NISCH: variants seen among roughly 807,000 people sequenced by gnomAD.
The protein encoded by NISCH is I-1 receptor candidate protein.
A neutral mutation model predicts 138.4 loss-of-function variants in NISCH; 55 were observed. That is an observed-to-expected ratio of 0.40 (90% CI 0.32 to 0.50). The LOEUF (loss-of-function observed/expected upper bound fraction) is 0.50, where lower values mean the gene tolerates loss of function less well. NISCH is among the 20% of genes least tolerant of loss of function. The probability of loss-of-function intolerance (pLI) is 0.71; values close to 1 mark genes in which losing one functional copy is unlikely to be tolerated. For missense variants in NISCH, 1,643 were observed against 2,005.5 expected, an observed-to-expected ratio of 0.82 and a Z score of 3.45; for synonymous variants, 860 against 861.5, an observed-to-expected ratio of 1.00 and a Z score of 0.03.
At chr3:52,468,392 A>C (rs778321808) in intron 3 of NISCH, among the ~76,000 whole-genome samples, 13 of 152,218 alleles carry the variant, frequency 8.5e-5, no homozygotes, top group Non-Finnish European at 1.5e-4. Context: ...TGAGGTGGGC[A>C]GAGATTGGCA....
chr3:52,489,431 G>A lies in NISCH; in HGVS notation c.3209G>A (p.Gly1070Asp), dbSNP rs748533465. 6 of 1,603,894 alleles carry A rather than the reference G, an allele frequency of 3.7e-6. No individual in the cohort carries two copies. In the Admixed American group the frequency reaches 1.0e-4, roughly 27 times the overall value. Residue 1070 changes from glycine to aspartate, a missense_variant, in exon 17 of 21, where the codon GGC becomes GAC. By Grantham distance (94) the Gly-to-Asp change is moderately conservative (BLOSUM62 -1). Coordinates refer to ENST00000345716, the MANE Select transcript of NISCH (RefSeq NM_007184.4). ...GCCCCTGCAGCAGCCTCAGCCTCAG[G>A]CCCAGCGAAGACTCCGGCCCCAGCA... The part of the protein sequence containing the change: ...APAPAAASAS[G>D]PAKTPAPAEA...
Position 52,479,744 on chromosome 3 carries a change from T to C in NISCH, c.1303-5T>C, listed in dbSNP as rs775966758. 9.1e-5 allele frequency: 147 copies of C among 1,607,980 alleles called. No homozygotes were observed. Among genetic ancestry groups the C allele is most frequent in the Middle Eastern group, 3.3e-4 (2 of 6,060 alleles). On this transcript the variant is annotated splice_polypyrimidine_tract_variant and splice_region_variant and intron_variant, in intron 11 of 20. Transcript: ENST00000345716. ...ATGCTGATAGCCACTTTCTGGATGC[T>C]CTAGGTCTGTCTGGATGACACAGTG... is the stretch of plus-strand genomic sequence containing the variant.
rs144833808 is a variant in NISCH, at chr3:52,492,561, T to G, written c.*79T>G. On this transcript the variant is annotated 3_prime_UTR_variant, in exon 21 of 21. Coordinates refer to ENST00000345716, the MANE Select transcript of NISCH (RefSeq NM_007184.4). ...AGCAGGCTTTTGTGTTCTCTAAAAATGTTTTATCCTCCCTTTGGTACCTTA... is the reference window on the plus strand; with the variant it reads ...AGCAGGCTTTTGTGTTCTCTAAAAAGGTTTTATCCTCCCTTTGGTACCTTA... 3.8e-3 allele frequency: 5,421 copies of G among 1,444,800 alleles called. 24 individuals are homozygous for G. The highest frequency in any genetic ancestry group is 4.6e-3 in the Non-Finnish European group (5,037 of 1,096,164). 89.5% of individuals were successfully genotyped at this position (1,444,800 alleles called of 1,614,324 possible). A position where few individuals can be genotyped will look rare whatever the true frequency, so the allele number is the denominator to read the frequency against.
chr3:52,478,090 G>A lies in NISCH; in HGVS notation c.988-7G>A, dbSNP rs763083869. The A allele has an allele frequency of 2.1e-5, 34 of 1,613,000 alleles. No homozygotes were observed. Among genetic ancestry groups the A allele is most frequent in the Admixed American group, 3.3e-5 (2 of 59,976 alleles). ...GCCACTTTACGCTGTTCTCCACGCC[G>A]CTGCAGCACCTGTATAACCTTGTGC... On this transcript the variant is annotated splice_region_variant and splice_polypyrimidine_tract_variant and intron_variant, in intron 9 of 20. Coordinates refer to ENST00000345716, the MANE Select transcript of NISCH (RefSeq NM_007184.4).
At position 52,490,190 on chromosome 3, in the gene NISCH, T is replaced by C; in HGVS notation, c.3572T>C (p.Leu1191Pro). 1 of 1,613,298 alleles carries C rather than the reference T, an allele frequency of 6.2e-7. No homozygotes were observed. The highest frequency in any genetic ancestry group is 8.5e-7 in the Non-Finnish European group (1 of 1,180,022). ...LLSTKAVYFV[L>P]HDGLRRYFSE... is the part of the protein sequence containing the mutation. ...TCCACCAAGGCTGTGTACTTTGTGC[T>C]CCACGACGGCCTCCGCCGCTACTTC... The change falls in exon 18 of 21, where the codon CTC becomes CCC. Residue 1191 changes from leucine to proline, a missense_variant. Transcript: ENST00000345716.
chr3:52,465,509 C>G (rs1054063929), intron 3 of NISCH, among the ~76,000 whole-genome samples: 1 of 152,164 alleles, frequency 6.6e-6, no homozygotes, highest in Non-Finnish European at 1.5e-5. Context: ...CAGGGGTTGC[C>G]GCCTGTATGA....
At chr3:52,456,057 C>G (rs1706457643) in intron 1 of NISCH, among the ~76,000 whole-genome samples, 1 of 151,924 alleles carries the variant, frequency 6.6e-6, no homozygotes, top group African/African-American at 2.4e-5. Context: ...CCTCTAGATC[C>G]TCTAGGACTG....
chr3:52,490,634 A>G, intron 18 of NISCH, 71 bp from the exon 19 acceptor site: 2 of 1,603,446 alleles, frequency 1.2e-6, no homozygotes, highest in South Asian at 2.2e-5. Flanking sequence ...TTCCTGCTGG[A>G]TGTGCTGCAC....
At chr3:52,458,000 ATTAG>A in intron 2 of NISCH, 74 bp downstream of exon 2, 1 of 1,200,148 alleles carries the variant, frequency 8.3e-7, no homozygotes, top group Non-Finnish European at 1.2e-6. Flanking sequence ...TGTGCCACAT[ATTAG>A]TTTTAGGGCA....
In NISCH at chr3:52,489,651, C is replaced by T. The variant is rs149501368; in HGVS notation, c.3429C>T (p.Ile1143=). ...CCAGCCTGCGGGGCAGCGCCATCAT[C>T]GAGCTCTTCCACAGCAGCATTGCTG... ...HVASLRGSAI[I]ELFHSSIAEV... Residue 1143 remains isoleucine, a synonymous_variant, in exon 17 of 21, where the codon ATC becomes ATT. Transcript: ENST00000345716. 24 of 1,612,580 alleles carry T rather than the reference C, an allele frequency of 1.5e-5. No homozygotes were observed. Among genetic ancestry groups the T allele is most frequent in the Middle Eastern group, 1.6e-4 (1 of 6,082 alleles).
At chr3:52,481,654 G>A in intron 13 of NISCH, 1 of 985,678 alleles carries the variant, frequency 1.0e-6, no homozygotes. Flanking sequence ...GTGAGTGAGT[G>A]AGTGGGCAGG....
chr3:52,481,176 A>G, intron 13 of NISCH: 1 of 1,196,304 alleles, frequency 8.4e-7, no homozygotes, highest in African/African-American at 1.6e-5. Context: ...TGAAATGCTC[A>G]CCACTGCCAA....
chr3:52,462,087 G>A (rs987043829), intron 3 of NISCH, among the ~76,000 whole-genome samples: 8 of 152,140 alleles, frequency 5.3e-5, no homozygotes, highest in Non-Finnish European at 1.0e-4. Flanking sequence ...CCTGGGGCCG[G>A]CTACATCTGG....
rs1405192326 is a variant in NISCH at position 52,455,627 on chromosome 3, G to T, written c.-15G>T. The stretch of plus-strand genomic sequence containing the variant: ...CTAGTCTGCGCCGGGCGGCGGTGGC[G>T]GCGGAGACCCGAACATGGCGACCGC... On this transcript the variant is annotated 5_prime_UTR_variant, in exon 1 of 21. Transcript: ENST00000345716. The T allele has an allele frequency of 7.6e-7, 1 of 1,319,132 alleles. No homozygotes were observed. Among genetic ancestry groups the T allele is most frequent in the East Asian group, 2.9e-5 (1 of 35,018 alleles). The allele number at this position is 1,319,132 out of a possible 1,614,324, so 81.7% of individuals were successfully genotyped here. A position where few individuals can be genotyped will look rare whatever the true frequency, so the allele number is the denominator to read the frequency against.
intron 9 of NISCH, 184 bp downstream of exon 9, chr3:52,477,826 A>T (rs1046577754): frequency 6.3e-6 from 4 of 635,096 alleles, no homozygotes; most frequent in Non-Finnish European, 1.1e-5. Context: ...ATTAGGAAGC[A>T]TGAGTAAATA....
chr3:52,457,762 A>G (rs1706515354), intron 1 of NISCH, 81 bp from the exon 2 acceptor site: 1 of 997,138 alleles, frequency 1.0e-6, no homozygotes, highest in South Asian at 1.3e-5. Context: ...GGGAAAGATA[A>G]TTGCAGCTTT....
At position 52,474,338 on chromosome 3, in the gene NISCH, C is replaced by T. The variant is rs139818092; in HGVS notation, c.765+509C>T. On this transcript the variant is annotated intron_variant, in intron 7 of 20. Transcript: ENST00000345716. ...TTGAGACAGAGTTTTGCTCTGTCAC[C>T]CAGGCTGGAGTGCAGTGGCGCGATC... Among the ~76,000 whole-genome samples the T allele has an allele frequency of 6.1e-3, 921 of 152,050 alleles. 20 individuals carry two copies. In the East Asian group the frequency reaches 0.085, roughly 14 times the overall value.
In NISCH at chr3:52,476,609, C is replaced by T. The variant is rs1412651988; in HGVS notation, c.918+10C>T. On this transcript the variant is annotated intron_variant, in intron 8 of 20. Transcript: ENST00000345716. ...GATCGACGAGTCTGTGGTATGCTCT[C>T]AGCAGCAGGTGCCAGGGGTTTCTCT... 2 of 1,613,788 alleles carry T rather than the reference C, an allele frequency of 1.2e-6. No homozygotes were observed. The highest frequency in any genetic ancestry group is 8.5e-7 in the Non-Finnish European group (1 of 1,179,734).
intron 13 of NISCH, chr3:52,481,033 A>G (rs1213264653): frequency 7.3e-7 from 1 of 1,379,246 alleles, no homozygotes; most frequent in African/African-American, 1.5e-5. Flanking sequence ...GAGACGCAGA[A>G]CTTGGTGTGA....
Sources: gnomAD v4.1 joint callset for allele counts (sites outside exome capture counted in the v4.1 genomes callset) on GRCh38, gnomAD v4.1.1 for gene constraint, MANE v1.5 for transcripts, NCBI Gene and HGNC (gene_info 2026-07-23, HGNC 2026-07-21) for gene names.